The following ROBO1 variants were observed in gnomAD, a reference collection of about 807,000 sequenced individuals.
ROBO1 encodes roundabout homolog 1.
Under a neutral mutation model 195.9 loss-of-function variants are expected in ROBO1, and 149 were observed. The ratio of observed to expected loss-of-function variants is 0.76; its 90% CI spans 0.67 to 0.87. ROBO1 has a LOEUF of 0.87. ROBO1 is among the 40% of genes least tolerant of loss of function. The pLI, the probability that ROBO1 is intolerant of heterozygous loss-of-function variation, is 0.00. For missense variants in ROBO1, 1,933 were observed against 2,068.3 expected (o/e 0.93, Z 1.27); for synonymous variants, 816 against 733.2 (o/e 1.11, Z -1.82).
chr3:79,071,274 T>A (rs1191511839), intron 3 of ROBO1, among the ~76,000 whole-genome samples: 1 of 151,958 alleles, frequency 6.6e-6, no homozygotes, highest in Non-Finnish European at 1.5e-5. Context: ...TTTGTTTTTT[T>A]AAAACATATG....
chr3:78,865,573 G>A (rs2035121287), intron 4 of ROBO1, among the ~76,000 whole-genome samples: 1 of 150,820 alleles, frequency 6.6e-6, no homozygotes, highest in African/African-American at 2.4e-5. Flanking sequence ...CCAGGTTCAA[G>A]CGATTCTCCT....
At chr3:78,823,880 G>T (rs1038086387) in intron 4 of ROBO1, among the ~76,000 whole-genome samples, 1 of 152,040 alleles carries the variant, frequency 6.6e-6, no homozygotes, top group African/African-American at 2.4e-5. Flanking sequence ...GTCACTGTGT[G>T]TGTGTGTGTG....
At chr3:79,265,843 T>G (rs1044776512) in intron 2 of ROBO1, among the ~76,000 whole-genome samples, 1 of 151,410 alleles carries the variant, frequency 6.6e-6, no homozygotes, top group African/African-American at 2.4e-5. Flanking sequence ...ATAATTTTAC[T>G]GCATCAAAAC....
chr3:79,310,896 A>G (rs748349634), intron 2 of ROBO1, among the ~76,000 whole-genome samples: 4 of 152,242 alleles, frequency 2.6e-5, no homozygotes, highest in Non-Finnish European at 5.9e-5. Context: ...TTAACATGAA[A>G]GAACAAAATT....
At chr3:79,125,128 T>C (rs2080191160) in intron 3 of ROBO1, among the ~76,000 whole-genome samples, 2 of 152,216 alleles carry the variant, frequency 1.3e-5, no homozygotes, top group South Asian at 2.1e-4. Context: ...TCCTTTATGA[T>C]AAAAACTTAG....
At chr3:79,517,684 C>T (rs765271727) in intron 2 of ROBO1, among the ~76,000 whole-genome samples, 1 of 152,146 alleles carries the variant, frequency 6.6e-6, no homozygotes. Context: ...AGGCAAGAGA[C>T]TGAAAATATT....
intron 3 of ROBO1, among the ~76,000 whole-genome samples, chr3:79,001,253 T>C (rs1471118304): frequency 6.6e-6 from 1 of 152,092 alleles, no homozygotes; most frequent in Non-Finnish European, 1.5e-5. Context: ...CAAACCTGCA[T>C]GTTCAGCACA....
intron 4 of ROBO1, among the ~76,000 whole-genome samples, chr3:78,765,656 T>G (rs940239165): frequency 6.6e-6 from 1 of 152,184 alleles, no homozygotes; most frequent in African/African-American, 2.4e-5. Flanking sequence ...AAAGTGGTCA[T>G]TCAAAATGCT....
chr3:79,724,030 G>A (rs528471235), intron 1 of ROBO1, among the ~76,000 whole-genome samples: 1 of 152,124 alleles, frequency 6.6e-6, no homozygotes, highest in Non-Finnish European at 1.5e-5. Context: ...AAGGATTTTG[G>A]CTTAAACTAT....
chr3:78,853,817 G>C (rs2034233855), intron 4 of ROBO1, among the ~76,000 whole-genome samples: 2 of 152,048 alleles, frequency 1.3e-5, no homozygotes, highest in Non-Finnish European at 2.9e-5. Context: ...AAGGCAAAAA[G>C]GACATCTTAT....
At chr3:79,413,073 C>T (rs1167709204) in intron 2 of ROBO1, among the ~76,000 whole-genome samples, 1 of 151,110 alleles carries the variant, frequency 6.6e-6, no homozygotes, top group Non-Finnish European at 1.5e-5. Context: ...CTTCCAAGAA[C>T]ATTATAGAAC....
chr3:78,720,086 T>C (rs2082005361), intron 5 of ROBO1, among the ~76,000 whole-genome samples: 1 of 152,212 alleles, frequency 6.6e-6, no homozygotes, highest in African/African-American at 2.4e-5. Context: ...TTCTCCCACA[T>C]ACCTCTGGTA....
intron 2 of ROBO1, among the ~76,000 whole-genome samples, chr3:79,500,095 A>C (rs1208524302): frequency 7.0e-6 from 1 of 142,616 alleles, no homozygotes; most frequent in Non-Finnish European, 1.5e-5. Flanking sequence ...GTCGTGAGCC[A>C]TCCCATGCGG....
At chr3:78,703,595 AGAG>A (rs1412231867) in intron 8 of ROBO1, among the ~76,000 whole-genome samples, 2 of 152,182 alleles carry the variant, frequency 1.3e-5, no homozygotes, top group South Asian at 2.1e-4. Context: ...AACAAGAGGA[AGAG>A]GAGGAGGAGG....
rs148368685 is a variant in ROBO1, at chr3:79,219,544, G to A, written c.89-94005C>T. Among the ~76,000 whole-genome samples the A allele has an allele frequency of 8.2e-3, 1,250 of 152,044 alleles. 22 individuals carry two copies. Among genetic ancestry groups the A allele is most frequent in the African/African-American group, 0.027 (1,136 of 41,516 alleles). On this transcript the variant is annotated intron_variant, in intron 2 of 30. Transcript: ENST00000464233. ...TAAACCTCTCCTGGGATTCAAAAGGGCTAAGTTGAACCATGCATGATTTCA... is the reference window on the plus strand; with the variant it reads ...TAAACCTCTCCTGGGATTCAAAAGGACTAAGTTGAACCATGCATGATTTCA...
chr3:79,412,693 C>A (rs910772047), intron 2 of ROBO1, among the ~76,000 whole-genome samples: 1 of 151,908 alleles, frequency 6.6e-6, no homozygotes, highest in African/African-American at 2.4e-5. Flanking sequence ...TCAGAGAATA[C>A]TGTATAAAGA....
chr3:78,903,234 C>T (rs1269463694), intron 4 of ROBO1, among the ~76,000 whole-genome samples: 1 of 151,964 alleles, frequency 6.6e-6, no homozygotes, highest in Non-Finnish European at 1.5e-5. Context: ...TTTGCAACTT[C>T]AAATGCCACA....
At chr3:79,426,330 T>A (rs1470976326) in intron 2 of ROBO1, among the ~76,000 whole-genome samples, 1 of 152,052 alleles carries the variant, frequency 6.6e-6, no homozygotes, top group Non-Finnish European at 1.5e-5. Context: ...TTATTTCTCT[T>A]CTCTTACTTC....
chr3:79,229,238 A>G (rs2082279824), intron 2 of ROBO1, among the ~76,000 whole-genome samples: 1 of 152,156 alleles, frequency 6.6e-6, no homozygotes, highest in African/African-American at 2.4e-5. Flanking sequence ...AATTCCAAAC[A>G]CTTTTTTGTT....
Sources: gnomAD v4.1 joint callset for allele counts (sites outside exome capture counted in the v4.1 genomes callset) on GRCh38, gnomAD v4.1.1 for gene constraint, MANE v1.5 for transcripts, NCBI Gene and HGNC (gene_info 2026-07-23, HGNC 2026-07-21) for gene names.